COTL1: variants seen among roughly 807,000 people sequenced by gnomAD.
COTL1 encodes coactosin-like protein.
COTL1 carries 15 observed loss-of-function variants against 16.5 expected under a neutral mutation model. That is an observed-to-expected ratio of 0.91 (90% CI 0.61 to 1.40). The LOEUF (loss-of-function observed/expected upper bound fraction) is 1.40. COTL1 is among the 40% of genes most tolerant of loss of function. COTL1 has a pLI of 0.00. For missense variants in COTL1, 220 were observed against 201.5 expected, an observed-to-expected ratio of 1.09 and a Z score of -0.56; for synonymous variants, 112 against 85.3, an observed-to-expected ratio of 1.31 and a Z score of -1.73.
rs778499902 is a variant in COTL1, at chr16:84,590,120, C to T, written c.303G>A (p.Val101=). 6 of 1,613,828 alleles carry T rather than the reference C, an allele frequency of 3.7e-6. No individual in the cohort carries two copies. The South Asian group carries it at 6.6e-5, about 18-fold the overall frequency. ...AACTCAGTACCTGTACGACCTCCTT[C>T]ACCAGGGTCTTGTCCGTCCCGGTTT... ...RAKTGTDKTL[V]KEVVQNFAKE... The change falls in exon 3 of 4, where the codon GTG becomes GTA. Residue 101 remains valine (V), a synonymous_variant. Coordinates refer to ENST00000262428, the MANE Select transcript of COTL1 (RefSeq NM_021149.5). The surrounding 1 kb of genome is among the most constrained non-coding windows in gnomAD (Gnocchi z 5.5).
At chr16:84,615,853 T>TTTTGTGTGTG (rs1555524988) in intron 2 of COTL1, among the ~76,000 whole-genome samples, 1 of 149,702 alleles carries the variant, frequency 6.7e-6, no homozygotes, top group African/African-American at 2.5e-5. Context: ...AATTTTAGTT[T>TTTTGTGTGTG]TGTGTGTGTG....
chr16:84,574,232 C>G (rs999578367), intron 3 of COTL1, among the ~76,000 whole-genome samples: 2 of 152,202 alleles, frequency 1.3e-5, no homozygotes, highest in Non-Finnish European at 1.5e-5. Context: ...ACAGCAACTT[C>G]CCGGCAGGGC....
At chr16:84,567,228 G>A in intron 3 of COTL1, 1 of 353,342 alleles carries the variant, frequency 2.8e-6, no homozygotes, top group South Asian at 3.4e-5. Context: ...ATGGCCCGAG[G>A]AAGCTGGGGC....
chr16:84,573,768 T>TACACACAC (rs3086225), intron 3 of COTL1, among the ~76,000 whole-genome samples: 4 of 146,140 alleles, frequency 2.7e-5, no homozygotes, highest in Admixed American at 6.8e-5. Flanking sequence ...TATATATACA[T>TACACACAC]ACACACACAC....
chr16:84,595,657 G>A (rs867328556), intron 2 of COTL1: 4 of 152,204 alleles, frequency 2.6e-5, no homozygotes, highest in Non-Finnish European at 5.9e-5. Context: ...ACTCCTGTAC[G>A]CGGGAACACT....
chr16:84,599,439 C>G (rs181795833), intron 2 of COTL1, among the ~76,000 whole-genome samples: 5 of 152,238 alleles, frequency 3.3e-5, no homozygotes, highest in Non-Finnish European at 7.4e-5. Flanking sequence ...TTAAGGATCC[C>G]CCACCACCCT....
chr16:84,607,991 C>T (rs531386230), intron 2 of COTL1, among the ~76,000 whole-genome samples: 103 of 152,274 alleles, frequency 6.8e-4, no homozygotes, highest in African/African-American at 2.3e-3. Context: ...AGTCTAGCCA[C>T]GCAGAAGCAG....
chr16:84,604,126 T>G lies in COTL1; in HGVS notation c.160+13375A>C, dbSNP rs568907789. Among the ~76,000 whole-genome samples the G allele has an allele frequency of 4.9e-3, 389 of 79,258 alleles. 2 individuals are homozygous for G. The highest frequency in any genetic ancestry group is 0.018 in the African/African-American group (354 of 20,206). 52.0% of individuals were successfully genotyped at this position (79,258 alleles called of 152,430 possible). A position where few individuals can be genotyped will look rare whatever the true frequency, so the allele number is the denominator to read the frequency against. ...ATGCTCCCCTCCCACTCCCCACCCA[T>G]GCTCCCTGCTCCACAGCCCTCACCC... On this transcript the variant is annotated intron_variant, in intron 2 of 3. Transcript: ENST00000262428.
chr16:84,583,723 A>G (rs1329097907), intron 3 of COTL1, among the ~76,000 whole-genome samples: 2 of 152,098 alleles, frequency 1.3e-5, no homozygotes, highest in Non-Finnish European at 2.9e-5. Context: ...GTCTCCCAAA[A>G]TGTTGGGATT....
intron 3 of COTL1, among the ~76,000 whole-genome samples, chr16:84,584,065 C>T (rs1339147944): frequency 6.6e-6 from 1 of 152,248 alleles, no homozygotes; most frequent in East Asian, 1.9e-4. Context: ...TCACTACCAG[C>T]GGTCACTGCA....
intron 3 of COTL1, chr16:84,575,489 C>G (rs987617568): frequency 1.3e-5 from 2 of 152,216 alleles, no homozygotes; most frequent in Non-Finnish European, 2.9e-5. Flanking sequence ...TCTGAAGTAG[C>G]TGGGATTACA....
Position 84,617,860 on chromosome 16 carries a change from C to T in COTL1, c.55G>A (p.Asp19Asn). ...TACCAGATGACGGCCGAGCCGTCGT[C>T]GCGCACCAGGTTGTACGCCGCCCGG... is the stretch of plus-strand genomic sequence containing the variant. ...ACRAAYNLVR[D>N]DGSAVIWVTF... The change falls in exon 1 of 4, where the codon GAC becomes AAC. Residue 19 changes from aspartate to asparagine, a missense_variant. Asp to Asn is a conservative substitution (Grantham distance 23, BLOSUM62 1). Transcript: ENST00000262428. The T allele has an allele frequency of 6.3e-7, 1 of 1,576,876 alleles. No individual in the cohort carries two copies. Among genetic ancestry groups the T allele is most frequent in the Non-Finnish European group, 8.6e-7 (1 of 1,162,360 alleles).
intron 2 of COTL1, among the ~76,000 whole-genome samples, chr16:84,591,384 T>C (rs1033207986): frequency 5.9e-5 from 9 of 151,618 alleles, no homozygotes; most frequent in Admixed American, 5.9e-4. Context: ...GGGGTTTCAC[T>C]GTGTTAGCCA....
At chr16:84,614,490 G>GT (rs1037826291) in intron 2 of COTL1, among the ~76,000 whole-genome samples, 3 of 152,042 alleles carry the variant, frequency 2.0e-5, no homozygotes, top group African/African-American at 7.3e-5. Context: ...CTGGAAAGCC[G>GT]TGGGGGAGGA....
intron 2 of COTL1, among the ~76,000 whole-genome samples, chr16:84,605,058 C>T (rs985279179): frequency 6.6e-6 from 1 of 152,254 alleles, no homozygotes; most frequent in Non-Finnish European, 1.5e-5. Flanking sequence ...CAGACACACG[C>T]ACAGGCTTTC....
At chr16:84,577,817 TGTGA>T (rs1029835839) in intron 3 of COTL1, among the ~76,000 whole-genome samples, 8 of 152,146 alleles carry the variant, frequency 5.3e-5, no homozygotes, top group African/African-American at 1.9e-4. Flanking sequence ...AGAAGCACGC[TGTGA>T]GTGTTTTGGC....
Position 84,617,849 on chromosome 16 carries a change from C to G in COTL1, c.66G>C (p.Ser22=). 1 of 1,572,424 alleles carries G rather than the reference C, an allele frequency of 6.4e-7. No individual in the cohort carries two copies. Among genetic ancestry groups the G allele is most frequent in the South Asian group, 1.2e-5 (1 of 86,044 alleles). Reference sequence around the variant, plus strand: ...TGAAAAGTTCCTACCAGATGACGGCCGAGCCGTCGTCGCGCACCAGGTTGT... The same window carrying G: ...TGAAAAGTTCCTACCAGATGACGGCGGAGCCGTCGTCGCGCACCAGGTTGT... The part of the protein sequence containing the change: ...AAYNLVRDDG[S]AVIWVTFKYD... Residue 22 remains serine (S), a synonymous_variant, in exon 1 of 4, where the codon TCG becomes TCC. Coordinates refer to ENST00000262428, the MANE Select transcript of COTL1 (RefSeq NM_021149.5).
chr16:84,600,177 C>G (rs1229074898), intron 2 of COTL1, among the ~76,000 whole-genome samples: 6 of 152,166 alleles, frequency 3.9e-5, no homozygotes, highest in Admixed American at 2.0e-4. Flanking sequence ...AAAAACAAAA[C>G]CAAACCAAAA....
intron 2 of COTL1, among the ~76,000 whole-genome samples, chr16:84,598,841 G>C (rs1438539487): frequency 2.7e-5 from 4 of 150,802 alleles, no homozygotes; most frequent in African/African-American, 4.9e-5. Flanking sequence ...GAGCAAGCAG[G>C]GGGGGTCCAA....
Sources: allele counts gnomAD v4.1 joint callset (sites outside exome capture counted in the v4.1 genomes callset), GRCh38; gene constraint gnomAD v4.1.1; non-coding constraint Gnocchi (gnomAD v3.1); transcripts MANE v1.5; gene names NCBI Gene and HGNC (gene_info 2026-07-23, HGNC 2026-07-21).